TERT: variants seen among roughly 807,000 people sequenced by gnomAD.
The protein encoded by TERT is telomerase catalytic subunit.
A neutral mutation model predicts 104.0 loss-of-function variants in TERT; 42 were observed. That is an observed-to-expected ratio of 0.40 (90% confidence interval 0.32 to 0.52). TERT has a LOEUF of 0.52. Ranked by LOEUF, TERT falls within the 20% of genes least tolerant of loss-of-function variation. The pLI is 0.43. For synonymous variants in TERT, 781 were observed against 725.6 expected (o/e 1.08, Z -1.23); for missense variants, 1,101 against 1,610.3 (o/e 0.68, Z 5.41).
chr5:1,275,848 C>T (rs111988206), intron 6 of TERT, among the ~76,000 whole-genome samples: 25 of 137,168 alleles, frequency 1.8e-4, no homozygotes, highest in African/African-American at 6.5e-4. Context: ...CCCACAGATC[C>T]CCACCTACCC....
rs1215787179 is a variant in TERT, at chr5:1,255,772, G to A, written c.3033-361C>T. Reference sequence around the variant, plus strand: ...TTCCAGTTTATCCATTGTTCCTTGTGTACCAGCAGGTACTTATCATGAATC... The same window carrying A: ...TTCCAGTTTATCCATTGTTCCTTGTATACCAGCAGGTACTTATCATGAATC... On this transcript the variant is annotated intron_variant, in intron 13 of 15. Coordinates refer to ENST00000310581, the MANE Select transcript of TERT (RefSeq NM_198253.3). This position sits in a 1 kb window ranked among gnomAD's most constrained non-coding sequence, Gnocchi z 6.9. Among the ~76,000 whole-genome samples, 2 of 152,142 alleles carry A rather than the reference G, an allele frequency of 1.3e-5. No individual in the cohort carries two copies. The highest frequency in any genetic ancestry group is 4.8e-5 in the African/African-American group (2 of 41,418).
rs1201971387 is a variant in TERT, at chr5:1,254,517, C to T, written c.3158-12G>A. Reference sequence around the variant, plus strand: ...CCCCAGCGACATCCCTGGGGGAAAACAGAGGCTGAGGAGTCACAGGCCCAG... The same window carrying T: ...CCCCAGCGACATCCCTGGGGGAAAATAGAGGCTGAGGAGTCACAGGCCCAG... On this transcript the variant is annotated splice_polypyrimidine_tract_variant and intron_variant, in intron 14 of 15. Coordinates refer to ENST00000310581, the MANE Select transcript of TERT (RefSeq NM_198253.3). 1 of 1,608,784 alleles carries T rather than the reference C, an allele frequency of 6.2e-7. No homozygotes were observed. Among genetic ancestry groups the T allele is most frequent in the South Asian group, 1.1e-5 (1 of 90,390 alleles).
chr5:1,264,319 A>G, intron 11 of TERT, 85 bp downstream of exon 11: 1 of 1,435,628 alleles, frequency 7.0e-7, no homozygotes. Context: ...CCTGCCCCAC[A>G]CGGAAGCAGA....
In TERT at chr5:1,253,616, C is replaced by G; in HGVS notation, c.*112G>C. ...GCCAAACACTCACTCAGGCCTCAGACTCCCAGCGGTGCGGGCCTGGGTGTG... is the reference window on the plus strand; with the variant it reads ...GCCAAACACTCACTCAGGCCTCAGAGTCCCAGCGGTGCGGGCCTGGGTGTG... On this transcript the variant is annotated 3_prime_UTR_variant, in exon 16 of 16. Coordinates refer to ENST00000310581, the MANE Select transcript of TERT (RefSeq NM_198253.3). The G allele has an allele frequency of 1.1e-6, 1 of 889,214 alleles. No individual in the cohort carries two copies. Among genetic ancestry groups the G allele is most frequent in the Admixed American group, 2.0e-5 (1 of 49,484 alleles). 55.1% of individuals were successfully genotyped at this position (889,214 alleles called of 1,614,324 possible).
chr5:1,278,702 C>T lies in TERT; in HGVS notation c.2225G>A (p.Arg742His), dbSNP rs727503468. 2 of 1,614,184 alleles carry T rather than the reference C, an allele frequency of 1.2e-6. No homozygotes were observed. The highest frequency in any genetic ancestry group is 8.5e-7 in the Non-Finnish European group (1 of 1,180,050). Residue 742 changes from arginine to histidine, a missense_variant, in exon 6 of 16, where the codon CGT (arginine) becomes CAT (histidine). This residue lies in a region of TERT where 463 missense variants were observed against 797.5 expected (regional missense o/e 0.58). Coordinates refer to ENST00000310581, the MANE Select transcript of TERT (RefSeq NM_198253.3). The stretch of plus-strand genomic sequence containing the variant: ...GGCCTTCTGGACCACGGCATACCGA[C>T]GCACGCAGTACGTGTTCTGGGGTTT... ...IIKPQNTYCV[R>H]RYAVVQKAAH...
Position 1,253,624 on chromosome 5 carries a change from G to A in TERT, c.*104C>T, listed in dbSNP as rs886059830. The A allele has an allele frequency of 2.5e-5, 24 of 942,816 alleles. No homozygotes were observed. Among genetic ancestry groups the A allele is most frequent in the East Asian group, 1.0e-4 (4 of 38,912 alleles). The allele number at this position is 942,816 out of a possible 1,614,324, so 58.4% of individuals were successfully genotyped here. A position where few individuals can be genotyped will look rare whatever the true frequency, so the allele number is the denominator to read the frequency against. ...CTCACTCAGGCCTCAGACTCCCAGC[G>A]GTGCGGGCCTGGGTGTGGGCCGCCC... On this transcript the variant is annotated 3_prime_UTR_variant, in exon 16 of 16. Coordinates refer to ENST00000310581, the MANE Select transcript of TERT (RefSeq NM_198253.3).
At position 1,255,479 on chromosome 5, in the gene TERT, T is replaced by C. The variant is rs2126563370; in HGVS notation, c.3033-68A>G. 1 of 1,604,864 alleles carries C rather than the reference T, an allele frequency of 6.2e-7. No individual in the cohort carries two copies. Among genetic ancestry groups the C allele is most frequent in the Non-Finnish European group, 8.5e-7 (1 of 1,173,624 alleles). Reference sequence around the variant, plus strand: ...CAGACGGTGCTCGTGGGTGTGGGCATGGGCCCACCGGTGCCTGTGTGCGTG... The same window carrying C: ...CAGACGGTGCTCGTGGGTGTGGGCACGGGCCCACCGGTGCCTGTGTGCGTG... On this transcript the variant is annotated intron_variant, in intron 13 of 15. Coordinates refer to ENST00000310581, the MANE Select transcript of TERT (RefSeq NM_198253.3). This position sits in a 1 kb window ranked among gnomAD's most constrained non-coding sequence, Gnocchi z 6.9.
chr5:1,262,298 A>G lies in TERT; in HGVS notation c.2844-1698T>C, dbSNP rs1242116841. ...CTCTCTTTTCCATCAGCTGTGCCAC[A>G]TACCACATTAACACACGTTTCTGAG... On this transcript the variant is annotated intron_variant, in intron 11 of 15. Transcript: ENST00000310581. The surrounding 1 kb of genome is among the most constrained non-coding windows in gnomAD (Gnocchi z 5.6). Among the ~76,000 whole-genome samples the G allele has an allele frequency of 6.6e-6, 1 of 152,170 alleles. No individual in the cohort carries two copies. The highest frequency in any genetic ancestry group is 2.4e-5 in the African/African-American group (1 of 41,434).
At chr5:1,293,205 C>T (rs1751101217) in intron 2 of TERT, 108 bp downstream of exon 2, 1 of 1,402,902 alleles carries the variant, frequency 7.1e-7, no homozygotes. Flanking sequence ...CACGTGTGCC[C>T]ACGTGACGAT....
In TERT at chr5:1,268,665, C is replaced by A; in HGVS notation, c.2469-32G>T. ...CGGGAAGACACAGGTGAGAGACGGG[C>A]AGGGCATGTGCTGGACATGCGTACA... is the stretch of plus-strand genomic sequence containing the variant. On this transcript the variant is annotated intron_variant, in intron 8 of 15. Coordinates refer to ENST00000310581, the MANE Select transcript of TERT (RefSeq NM_198253.3). This position sits in a 1 kb window ranked among gnomAD's most constrained non-coding sequence, Gnocchi z 5.5. The A allele has an allele frequency of 6.5e-7, 1 of 1,527,058 alleles. No individual in the cohort carries two copies. The highest frequency in any genetic ancestry group is 9.1e-7 in the Non-Finnish European group (1 of 1,102,912). 94.6% of individuals were successfully genotyped at this position (1,527,058 alleles called of 1,614,324 possible).
Position 1,274,448 on chromosome 5 carries a change from A to G in TERT, c.2287-2168T>C, listed in dbSNP as rs1300497864. Among the ~76,000 whole-genome samples, 1 of 152,268 alleles carries G rather than the reference A, an allele frequency of 6.6e-6. No homozygotes were observed. The highest frequency in any genetic ancestry group is 1.5e-5 in the Non-Finnish European group (1 of 68,038). ...GCACAGGGTCCCCAACCATTGTGGT[A>G]CCAGGGACTGGTTTCGTGGAAGACG... On this transcript the variant is annotated intron_variant, in intron 6 of 15. Coordinates refer to ENST00000310581, the MANE Select transcript of TERT (RefSeq NM_198253.3). This position sits in a 1 kb window ranked among gnomAD's most constrained non-coding sequence, Gnocchi z 5.3.
rs1204125045 is a variant in TERT, at chr5:1,257,473, G to A, written c.3032+1125C>T. ...CGGAAAGGAGTCAAGCAGCTTGCAC[G>A]AGGGCCCAGGCACGCGTCAGGGAGA... On this transcript the variant is annotated intron_variant, in intron 13 of 15. Transcript: ENST00000310581. This position sits in a 1 kb window ranked among gnomAD's most constrained non-coding sequence, Gnocchi z 5.6. Among the ~76,000 whole-genome samples the A allele has an allele frequency of 2.0e-5, 3 of 152,086 alleles. No individual in the cohort carries two copies. The highest frequency in any genetic ancestry group is 2.9e-5 in the Non-Finnish European group (2 of 68,014).
In TERT at chr5:1,256,489, G is replaced by C. The variant is rs35354089; in HGVS notation, c.3033-1078C>G. ...CCCCCCGTGTACCTCATCTCACCCA[G>C]TGCCTGAGCCCCCCATGTACCTGGC... On this transcript the variant is annotated intron_variant, in intron 13 of 15. Coordinates refer to ENST00000310581, the MANE Select transcript of TERT (RefSeq NM_198253.3). The surrounding 1 kb of genome is among the most constrained non-coding windows in gnomAD (Gnocchi z 7.0). Among the ~76,000 whole-genome samples the C allele has an allele frequency of 3.1e-3, 299 of 95,548 alleles. 2 individuals carry two copies. Among genetic ancestry groups the C allele is most frequent in the African/African-American group, 0.012 (280 of 22,870 alleles). 62.7% of individuals were successfully genotyped at this position (95,548 alleles called of 152,430 possible).
In TERT at chr5:1,258,618, G is replaced by A. The variant is rs1308544817; in HGVS notation, c.3012C>T (p.Ile1004=). Residue 1004 remains isoleucine (I), a synonymous_variant, in exon 13 of 16, where the codon ATC becomes ATT. Coordinates refer to ENST00000310581, the MANE Select transcript of TERT (RefSeq NM_198253.3). ...CTCACCTGTACGCCTGCAGCAGGAG[G>A]ATCTTGTAGATGTTGGTGCACACCG... is the stretch of plus-strand genomic sequence containing the variant. ...LQTVCTNIYK[I]LLLQAYRFHA... is the part of the protein sequence containing the mutation. 6.4e-7 allele frequency: 1 copy of A among 1,571,372 alleles called. No individual in the cohort carries two copies. The highest frequency in any genetic ancestry group is 8.6e-7 in the Non-Finnish European group (1 of 1,157,360).
chr5:1,289,968 C>T (rs71575526), intron 2 of TERT, among the ~76,000 whole-genome samples: 304 of 3,462 alleles, frequency 0.088, 1 homozygote, highest in Middle Eastern at 0.12. Context: ...CCGGGGGCCG[C>T]GCCTCACTCA....
chr5:1,267,930 A>C (rs1205802019), intron 9 of TERT, among the ~76,000 whole-genome samples: 1 of 152,104 alleles, frequency 6.6e-6, no homozygotes, highest in Admixed American at 6.5e-5. Flanking sequence ...ACATGTATAC[A>C]TATGTAACTA....
Position 1,293,843 on chromosome 5 carries a change from C to T in TERT, c.1043G>A (p.Ser348Asn), listed in dbSNP as rs1279397908. The change falls in exon 2 of 16, where the codon AGC becomes AAC. Residue 348 changes from serine to asparagine, a missense_variant. By Grantham distance (46) the Ser-to-Asn change is conservative. This residue lies in a region of TERT where 504 missense variants were observed against 544.6 expected (regional missense o/e 0.93). Transcript: ENST00000310581. ...KEQLRPSFLL[S>N]SLRPSLTGAR... ...GCCAGTCAGGCTGGGCCTCAGAGAGCTGAGTAGGAAGGAGGGCCGCAGCTG... is the reference window on the plus strand; with the variant it reads ...GCCAGTCAGGCTGGGCCTCAGAGAGTTGAGTAGGAAGGAGGGCCGCAGCTG... The T allele has an allele frequency of 1.3e-6, 2 of 1,548,246 alleles. No individual in the cohort carries two copies. Among genetic ancestry groups the T allele is most frequent in the African/African-American group, 2.7e-5 (2 of 73,074 alleles).
Position 1,280,169 on chromosome 5 carries a change from T to C in TERT, c.1939A>G (p.Arg647Gly). 6.2e-7 allele frequency: 1 copy of C among 1,614,110 alleles called. No homozygotes were observed. The highest frequency in any genetic ancestry group is 1.1e-5 in the South Asian group (1 of 91,090). Residue 647 changes from arginine to glycine, a missense_variant, in exon 4 of 16, where the codon AGA becomes GGA. Around this residue, in one of 5 missense-constraint regions of TERT, gnomAD observed 463 missense variants for 797.5 expected, o/e 0.58. Transcript: ENST00000310581. ...CAAAGCACAGCCACCCTCTTTTCTC[T>C]GCGGAACGTTCTGGCTCCCACGACG... ...DYVVGARTFR[R>G]EKRAERLTSR... is the part of the protein sequence containing the mutation.
In TERT at chr5:1,262,360, T is replaced by A. The variant is rs1187803207; in HGVS notation, c.2844-1760A>T. Among the ~76,000 whole-genome samples the A allele has an allele frequency of 2.6e-5, 4 of 152,228 alleles. No individual in the cohort carries two copies. The highest frequency in any genetic ancestry group is 2.6e-4 in the Admixed American group (4 of 15,280). Reference sequence around the variant, plus strand: ...CCGTTTTGTTCTATTGTTCTGTCCATCAGTTCTGACCACATTCTACCATCT... The same window carrying A: ...CCGTTTTGTTCTATTGTTCTGTCCAACAGTTCTGACCACATTCTACCATCT... On this transcript the variant is annotated intron_variant, in intron 11 of 15. Transcript: ENST00000310581. This position sits in a 1 kb window ranked among gnomAD's most constrained non-coding sequence, Gnocchi z 5.6.
Sources: gnomAD v4.1 joint callset for allele counts (sites outside exome capture counted in the v4.1 genomes callset) on GRCh38, gnomAD v4.1.1 for gene constraint, gnomAD v4.1.1 regional missense constraint, Gnocchi (gnomAD v3.1) non-coding constraint, MANE v1.5 for transcripts, NCBI Gene and HGNC (gene_info 2026-07-23, HGNC 2026-07-21) for gene names.